SLC38A9: variants seen among roughly 807,000 people sequenced by gnomAD.
SLC38A9 encodes neutral amino acid transporter 9.
Under a neutral mutation model 62.3 loss-of-function variants are expected in SLC38A9, and 48 were observed. The ratio of observed to expected loss-of-function variants is 0.77; its 90% CI spans 0.61 to 0.98. The LOEUF (loss-of-function observed/expected upper bound fraction) is 0.98. SLC38A9 is among the 50% of genes least tolerant of loss of function. SLC38A9 has a pLI of 0.00. For missense variants in SLC38A9, 541 were observed against 679.8 expected (o/e 0.80, Z 2.27); for synonymous variants, 204 against 227.7 (o/e 0.90, Z 0.94).
At chr5:55,636,081 G>GTAAATTAAC (rs1356344457) in intron 12 of SLC38A9, among the ~76,000 whole-genome samples, 2 of 152,094 alleles carry the variant, frequency 1.3e-5, no homozygotes, top group Non-Finnish European at 2.9e-5. Context: ...TCGTCCTTTG[G>GTAAATTAAC]TAAATTAACT....
chr5:55,642,115 G>A (rs1293617379), intron 12 of SLC38A9, among the ~76,000 whole-genome samples: 5 of 152,066 alleles, frequency 3.3e-5, no homozygotes, highest in Non-Finnish European at 7.4e-5. Context: ...GCGCGATCTC[G>A]GCTCACCACA....
chr5:55,693,166 C>A (rs763881850), intron 3 of SLC38A9: 43 of 203,768 alleles, frequency 2.1e-4, no homozygotes, highest in Non-Finnish European at 3.0e-4. Flanking sequence ...CCACACCATC[C>A]CGCCTAAAGC....
chr5:55,656,760 T>C lies in SLC38A9; in HGVS notation c.712A>G (p.Ile238Val), dbSNP rs755105675. The C allele has an allele frequency of 3.8e-6, 6 of 1,569,928 alleles. No homozygotes were observed. The highest frequency in any genetic ancestry group is 1.8e-5 in the Admixed American group (1 of 57,062). The change falls in exon 9 of 16, where the codon ATT (isoleucine) becomes GTT (valine). Residue 238 changes from isoleucine to valine, a missense_variant. Ile to Val is a conservative substitution (Grantham distance 29, BLOSUM62 3). Transcript: ENST00000396865. ...CTCAGTATAGTGTCTGTGTCATTAA[T>C]GTGATGAATAAAATCTAAAAATAAA... ...GKFIFNFIHH[I>V]NDTDTILSTN... is the part of the protein sequence containing the mutation.
chr5:55,656,630 TA>T (rs1748477155), intron 9 of SLC38A9, 84 bp downstream of exon 9: 14 of 894,206 alleles, frequency 1.6e-5, no homozygotes, highest in Non-Finnish European at 2.6e-5. Context: ...ATCGTTTACC[TA>T]AAATAAGGTC....
intron 3 of SLC38A9, among the ~76,000 whole-genome samples, chr5:55,695,590 T>TCA (rs935775070): frequency 4.8e-5 from 5 of 103,622 alleles, no homozygotes; most frequent in Non-Finnish European, 1.1e-4. Context: ...GGGGGTAAGG[T>TCA]CACAGATCAA....
chr5:55,665,003 G>A (rs1750227415), intron 7 of SLC38A9, 140 bp from the exon 8 acceptor site: 3 of 418,766 alleles, frequency 7.2e-6, no homozygotes, highest in Non-Finnish European at 4.2e-6. Flanking sequence ...TATATTATAA[G>A]ATAATAAAAT....
intron 10 of SLC38A9, among the ~76,000 whole-genome samples, chr5:55,650,072 A>G (rs115573374): frequency 2.1e-3 from 325 of 152,280 alleles, no homozygotes; most frequent in African/African-American, 7.6e-3. Context: ...GGGTAAAGAA[A>G]GAAAAGCAGT....
intron 13 of SLC38A9, 68 bp from the exon 14 acceptor site, chr5:55,633,970 T>A (rs567049086): frequency 7.2e-6 from 9 of 1,250,260 alleles, no homozygotes; most frequent in Non-Finnish European, 1.0e-5. Flanking sequence ...TAAAATGGAA[T>A]GTCTTCTGCT....
intron 8 of SLC38A9, among the ~76,000 whole-genome samples, chr5:55,659,999 C>A (rs1446473358): frequency 6.6e-6 from 1 of 151,682 alleles, no homozygotes; most frequent in Non-Finnish European, 1.5e-5. Flanking sequence ...GTCTCCTGAC[C>A]TCGTGATCTG....
intron 3 of SLC38A9, among the ~76,000 whole-genome samples, chr5:55,681,194 T>C (rs1752952882): frequency 6.6e-6 from 1 of 152,186 alleles, no homozygotes; most frequent in African/African-American, 2.4e-5. Context: ...TTTGAGACTC[T>C]GTTAGAAAGA....
chr5:55,641,471 T>C (rs1013529252), intron 12 of SLC38A9, among the ~76,000 whole-genome samples: 1 of 152,260 alleles, frequency 6.6e-6, no homozygotes, highest in East Asian at 1.9e-4. Flanking sequence ...TGAATGCACG[T>C]TGATAAGCTC....
At chr5:55,680,542 A>C (rs1752853193) in intron 3 of SLC38A9, among the ~76,000 whole-genome samples, 1 of 152,252 alleles carries the variant, frequency 6.6e-6, no homozygotes, top group African/African-American at 2.4e-5. Flanking sequence ...CACAGCAACA[A>C]GGCCCGTGTC....
Position 55,649,256 on chromosome 5 carries a change from T to G in SLC38A9, c.1011A>C (p.Gly337=), listed in dbSNP as rs1746947178. Residue 337 remains glycine, a synonymous_variant, in exon 11 of 16, where the codon GGA becomes GGC. Coordinates refer to ENST00000396865, the MANE Select transcript of SLC38A9 (RefSeq NM_173514.4). ...TAAACCAATGAAATTCCAAATGAAA[T>G]CCCAAGCGAACAGCCTTAAAGGTGA... The part of the protein sequence containing the change: ...FLVTFKAVRL[G]FHLEFHWFIP... The G allele has an allele frequency of 6.2e-7, 1 of 1,608,758 alleles. No individual in the cohort carries two copies. Among genetic ancestry groups the G allele is most frequent in the South Asian group, 1.1e-5 (1 of 89,530 alleles).
chr5:55,690,064 A>G (rs1010330359), intron 3 of SLC38A9, among the ~76,000 whole-genome samples: 7 of 152,202 alleles, frequency 4.6e-5, no homozygotes, highest in African/African-American at 1.7e-4. Flanking sequence ...AAAATATATA[A>G]GGACAATGAA....
intron 3 of SLC38A9, chr5:55,673,452 T>A (rs1350295193): frequency 1.3e-5 from 2 of 152,138 alleles, no homozygotes. Context: ...TAATATACTA[T>A]CCAAAATGAA....
intron 3 of SLC38A9, among the ~76,000 whole-genome samples, chr5:55,684,469 G>A (rs1042315423): frequency 2.0e-5 from 3 of 152,096 alleles, no homozygotes; most frequent in African/African-American, 7.2e-5. Flanking sequence ...AGTTAAAGTT[G>A]GGCTTCAGTT....
At chr5:55,692,111 T>C (rs1335276477) in intron 3 of SLC38A9, among the ~76,000 whole-genome samples, 1 of 152,224 alleles carries the variant, frequency 6.6e-6, no homozygotes, top group Non-Finnish European at 1.5e-5. Context: ...ATATGTAAGA[T>C]GATTGTAAGT....
intron 6 of SLC38A9, 78 bp from the exon 7 acceptor site, chr5:55,669,399 C>T: frequency 7.3e-7 from 1 of 1,375,102 alleles, no homozygotes; most frequent in Non-Finnish European, 1.0e-6. Context: ...TTACCCTAAA[C>T]AATCATGATA....
intron 10 of SLC38A9, 30 bp from the exon 11 acceptor site, chr5:55,649,344 T>C (rs1005696281): frequency 7.6e-7 from 1 of 1,318,452 alleles, no homozygotes; most frequent in African/African-American, 1.5e-5. Context: ...AAACCATTTA[T>C]TATCTTTGTG....
Sources: allele counts gnomAD v4.1 joint callset (sites outside exome capture counted in the v4.1 genomes callset), GRCh38; gene constraint gnomAD v4.1.1; transcripts MANE v1.5; gene names NCBI Gene and HGNC (gene_info 2026-07-23, HGNC 2026-07-21).